Variants in LIFR observed in about 807,000 individuals in gnomAD.
The protein encoded by LIFR is leukemia inhibitory factor receptor.
Under a neutral mutation model 122.2 loss-of-function variants are expected in LIFR, and 84 were observed. That is an observed-to-expected ratio of 0.69 (90% CI 0.58 to 0.82). LIFR has a LOEUF of 0.82. Ranked by LOEUF, LIFR falls within the 40% of genes least tolerant of loss-of-function variation. The pLI, the probability that LIFR is intolerant of heterozygous loss-of-function variation, is 0.00. For missense variants in LIFR, 1,294 were observed against 1,311.6 expected (o/e 0.99, Z 0.21); for synonymous variants, 422 against 434.7 (o/e 0.97, Z 0.36).
intron 1 of LIFR, among the ~76,000 whole-genome samples, chr5:38,583,487 A>G (rs1324229617): frequency 6.6e-6 from 1 of 152,214 alleles, no homozygotes; most frequent in Non-Finnish European, 1.5e-5. Flanking sequence ...CTGCACTGCA[A>G]AGGAAACAGT....
At chr5:38,522,057 G>A (rs1293471388) in intron 5 of LIFR, among the ~76,000 whole-genome samples, 4 of 152,238 alleles carry the variant, frequency 2.6e-5, no homozygotes, top group African/African-American at 9.6e-5. Context: ...CAGGTGGACA[G>A]CAGCAGTGGC....
intron 1 of LIFR, among the ~76,000 whole-genome samples, chr5:38,575,391 A>G (rs78188204): frequency 0.022 from 3,365 of 152,286 alleles, 122 homozygotes; most frequent in African/African-American, 0.076. Context: ...ATTTATGTAT[A>G]TTATACTTTA....
intron 1 of LIFR, among the ~76,000 whole-genome samples, chr5:38,544,828 CAGCGCTAT>C (rs1747786620): frequency 6.6e-6 from 1 of 152,062 alleles, no homozygotes; most frequent in Non-Finnish European, 1.5e-5. Flanking sequence ...CACTCCTCTT[CAGCGCTAT>C]AGCCCCCAAG....
intron 2 of LIFR, among the ~76,000 whole-genome samples, chr5:38,529,126 C>A (rs1746863502): frequency 6.6e-6 from 1 of 151,774 alleles, no homozygotes; most frequent in Non-Finnish European, 1.5e-5. Context: ...TGGGGTTAGG[C>A]TGCTATCAAA....
At position 38,486,022 on chromosome 5, in the gene LIFR, G is replaced by A. The variant is rs116501845; in HGVS notation, c.2336-42C>T. Reference sequence around the variant, plus strand: ...GTATGTTAGCACTAATCTCTAACCCGTTTCAAATGCATGGTTACCCACACC... The same window carrying A: ...GTATGTTAGCACTAATCTCTAACCCATTTCAAATGCATGGTTACCCACACC... On this transcript the variant is annotated intron_variant, in intron 16 of 19. Transcript: ENST00000453190. 7.7e-4 allele frequency: 1,200 copies of A among 1,560,316 alleles called. 3 individuals carry two copies. The highest frequency in any genetic ancestry group is 4.0e-3 in the African/African-American group (298 of 74,042).
At chr5:38,521,618 T>G (rs1365554603) in intron 5 of LIFR, among the ~76,000 whole-genome samples, 2 of 152,214 alleles carry the variant, frequency 1.3e-5, no homozygotes, top group Non-Finnish European at 2.9e-5. Context: ...CTTGCTTGGA[T>G]GCTGGTATTG....
rs200252238 is a variant in LIFR, at chr5:38,507,786, TA to T, written c.992-1155del. Among the ~76,000 whole-genome samples, 952 of 148,592 alleles carry T rather than the reference TA, an allele frequency of 6.4e-3. 17 individuals carry two copies. Among genetic ancestry groups the T allele is most frequent in the Admixed American group, 0.034 (502 of 14,882 alleles). Reference sequence around the variant, plus strand: ...AAATTTTTTTTTCACAAATCTGAATTAAAAAAAAAATACTCCTTAGTTTATC... The same window carrying T: ...AAATTTTTTTTTCACAAATCTGAATTAAAAAAAAATACTCCTTAGTTTATC... On this transcript the variant is annotated intron_variant, in intron 7 of 19. Transcript: ENST00000453190.
At chr5:38,515,245 G>A (rs759086687) in intron 5 of LIFR, among the ~76,000 whole-genome samples, 3 of 152,046 alleles carry the variant, frequency 2.0e-5, no homozygotes, top group Admixed American at 6.6e-5. Context: ...AAGCGGTCTC[G>A]GCTATTTACC....
intron 1 of LIFR, among the ~76,000 whole-genome samples, chr5:38,542,610 C>T (rs534532304): frequency 6.6e-6 from 1 of 152,264 alleles, no homozygotes; most frequent in African/African-American, 2.4e-5. Context: ...CCAAGTTGAA[C>T]AGGGCATGAG....
At chr5:38,542,682 G>C (rs1032392568) in intron 1 of LIFR, among the ~76,000 whole-genome samples, 2 of 152,086 alleles carry the variant, frequency 1.3e-5, no homozygotes, top group Non-Finnish European at 1.5e-5. Flanking sequence ...TCCTCACAGT[G>C]GCCCCGTGCT....
intron 1 of LIFR, among the ~76,000 whole-genome samples, chr5:38,532,289 T>C (rs1015893664): frequency 2.0e-5 from 3 of 152,162 alleles, no homozygotes; most frequent in Non-Finnish European, 4.4e-5. Flanking sequence ...TGCTTCCAGA[T>C]TTAGATGCTA....
At position 38,480,425 on chromosome 5, in the gene LIFR, G is replaced by A; in HGVS notation, c.*1170C>T. 1 of 221,912 alleles carries A rather than the reference G, an allele frequency of 4.5e-6. No homozygotes were observed. The highest frequency in any genetic ancestry group is 9.0e-6 in the Non-Finnish European group (1 of 110,936). 13.7% of individuals were successfully genotyped at this position (221,912 alleles called of 1,614,324 possible). A position where few individuals can be genotyped will look rare whatever the true frequency, so the allele number is the denominator to read the frequency against. On this transcript the variant is annotated 3_prime_UTR_variant, in exon 20 of 20. Coordinates refer to ENST00000453190, the MANE Select transcript of LIFR (RefSeq NM_001127671.2). ...TGCCCATGGATTCAGATCAGTTTAT[G>A]ACAGTTACTAAGAAACAGCCCTTGG...
chr5:38,592,223 A>T (rs1749942406), intron 1 of LIFR, among the ~76,000 whole-genome samples: 1 of 151,956 alleles, frequency 6.6e-6, no homozygotes, highest in African/African-American at 2.4e-5. Flanking sequence ...ATGTAACTCT[A>T]CTCTGTTTTC....
chr5:38,489,785 G>C (rs926641179), intron 15 of LIFR, among the ~76,000 whole-genome samples: 3 of 147,376 alleles, frequency 2.0e-5, no homozygotes, highest in Non-Finnish European at 4.5e-5. Context: ...TTGAGCCCAG[G>C]AATTTTGAGA....
intron 3 of LIFR, 56 bp from the exon 4 acceptor site, chr5:38,527,350 T>C (rs1480963919): frequency 3.3e-6 from 4 of 1,215,870 alleles, no homozygotes; most frequent in African/African-American, 1.5e-5. Flanking sequence ...ATAATTTTCA[T>C]AAAAATTTGG....
intron 5 of LIFR, among the ~76,000 whole-genome samples, chr5:38,517,142 A>T (rs1475080751): frequency 6.6e-6 from 1 of 152,122 alleles, no homozygotes; most frequent in Non-Finnish European, 1.5e-5. Flanking sequence ...CCACCATGGC[A>T]CGTATACACC....
chr5:38,503,023 G>A (rs1302206500), intron 10 of LIFR, among the ~76,000 whole-genome samples: 3 of 152,008 alleles, frequency 2.0e-5, no homozygotes, highest in Non-Finnish European at 4.4e-5. Context: ...ATTATGCCCT[G>A]TAATAGTAAT....
chr5:38,506,867 G>C (rs1745515496), intron 7 of LIFR, among the ~76,000 whole-genome samples: 1 of 152,104 alleles, frequency 6.6e-6, no homozygotes, highest in African/African-American at 2.4e-5. Flanking sequence ...AGCTCATCTG[G>C]AAACTCCCTG....
rs762685098 is a variant in LIFR at position 38,493,697 on chromosome 5, G to A, written c.1974C>T (p.Val658=). 64 of 1,614,018 alleles carry A rather than the reference G, an allele frequency of 4.0e-5. No individual in the cohort carries two copies. The highest frequency in any genetic ancestry group is 8.5e-6 in the Non-Finnish European group (10 of 1,180,000). ...ACCGAGACGAGTTACACCACTTAAT[G>A]ACGTAGTCGCAAGTCATGTTGGGGT... ...HYDPNMTCDY[V]IKWCNSSRSE... Residue 658 remains valine, a synonymous_variant, in exon 14 of 20, where the codon GTC becomes GTT. Transcript: ENST00000453190.
Sources: gnomAD v4.1 joint callset for allele counts (sites outside exome capture counted in the v4.1 genomes callset) on GRCh38, gnomAD v4.1.1 for gene constraint, MANE v1.5 for transcripts, NCBI Gene and HGNC (gene_info 2026-07-23, HGNC 2026-07-21) for gene names.